The following CSMD3 variants were observed in gnomAD, a reference collection of about 807,000 sequenced individuals.
The protein encoded by CSMD3 is CUB and Sushi multiple domains 3.
In CSMD3, 177 loss-of-function variants were observed where a neutral mutation model predicts 435.2. That is an observed-to-expected ratio of 0.41 (90% CI 0.36 to 0.46). The LOEUF (loss-of-function observed/expected upper bound fraction) is 0.46. Ranked by LOEUF, CSMD3 falls within the 20% of genes least tolerant of loss-of-function variation. The pLI, the probability that CSMD3 is intolerant of heterozygous loss-of-function variation, is 0.34. For missense variants in CSMD3, 4,265 were observed against 4,504.6 expected, an observed-to-expected ratio of 0.95 and a Z score of 1.52; for synonymous variants, 1,656 against 1,520.5, an observed-to-expected ratio of 1.09 and a Z score of -2.07.
At chr8:112,236,631 A>T (rs1389488799) in intron 67 of CSMD3, among the ~76,000 whole-genome samples, 23 of 152,138 alleles carry the variant, frequency 1.5e-4, no homozygotes, top group Admixed American at 1.5e-3. Context: ...GACTTGTGAG[A>T]GAATATCTGA....
At chr8:112,689,142 G>T (rs77353628) in intron 14 of CSMD3, among the ~76,000 whole-genome samples, 1 of 151,992 alleles carries the variant, frequency 6.6e-6, no homozygotes, top group South Asian at 2.1e-4. Context: ...TGAAGGGGAC[G>T]TATGCACTTT....
chr8:112,655,448 T>C (rs2075233635), intron 18 of CSMD3, among the ~76,000 whole-genome samples: 1 of 152,034 alleles, frequency 6.6e-6, no homozygotes, highest in African/African-American at 2.4e-5. Flanking sequence ...ATAAATCTTA[T>C]GCAATATAGC....
chr8:112,326,543 G>A (rs192609119), intron 45 of CSMD3, among the ~76,000 whole-genome samples: 3 of 152,276 alleles, frequency 2.0e-5, no homozygotes, highest in Non-Finnish European at 2.9e-5. Flanking sequence ...CCAGTTAAGA[G>A]GGAGGGTACA....
intron 4 of CSMD3, among the ~76,000 whole-genome samples, chr8:113,136,921 T>C (rs1588137258): frequency 6.6e-6 from 1 of 151,576 alleles, no homozygotes; most frequent in Non-Finnish European, 1.5e-5. Context: ...AGCCTATAAA[T>C]GGAAGAAGAA....
At chr8:113,144,758 G>C (rs1455492347) in intron 4 of CSMD3, among the ~76,000 whole-genome samples, 1 of 151,432 alleles carries the variant, frequency 6.6e-6, no homozygotes, top group Non-Finnish European at 1.5e-5. Context: ...AATATCTAAA[G>C]AGACTATGTG....
Position 112,538,235 on chromosome 8 carries a change from C to T in CSMD3, c.4564+12436G>A, listed in dbSNP as rs986494783. Among the ~76,000 whole-genome samples, 13 of 152,026 alleles carry T rather than the reference C, an allele frequency of 8.6e-5. No individual in the cohort carries two copies. The East Asian group carries it at 2.1e-3, about 25-fold the overall frequency. On this transcript the variant is annotated intron_variant, in intron 27 of 70. Transcript: ENST00000297405. ...CCATATACAACAAACCCACAGCTAA[C>T]ATCATCCTAAACAGGGAAATGTCGA...
intron 32 of CSMD3, among the ~76,000 whole-genome samples, chr8:112,420,940 G>A (rs915515028): frequency 3.9e-5 from 6 of 151,984 alleles, no homozygotes; most frequent in African/African-American, 7.2e-5. Context: ...TGCCTCCTAC[G>A]CACACTCTGC....
At chr8:112,686,653 T>C (rs2076019080) in intron 14 of CSMD3, among the ~76,000 whole-genome samples, 1 of 151,836 alleles carries the variant, frequency 6.6e-6, no homozygotes, top group African/African-American at 2.4e-5. Context: ...GCCCAGCTAA[T>C]TTTTGTATTT....
At chr8:113,077,122 A>G (rs1763030360) in intron 5 of CSMD3, among the ~76,000 whole-genome samples, 2 of 152,140 alleles carry the variant, frequency 1.3e-5, no homozygotes, top group Admixed American at 1.3e-4. Flanking sequence ...ATACACATAC[A>G]CACGAGTGCA....
At chr8:112,919,883 C>T (rs528185189) in intron 10 of CSMD3, among the ~76,000 whole-genome samples, 11 of 151,798 alleles carry the variant, frequency 7.2e-5, no homozygotes, top group African/African-American at 2.7e-4. Flanking sequence ...AAAAAGTGTG[C>T]CTTTCTCGTA....
chr8:113,204,017 T>G (rs1261924293), intron 3 of CSMD3, among the ~76,000 whole-genome samples: 2 of 152,122 alleles, frequency 1.3e-5, no homozygotes, highest in Non-Finnish European at 2.9e-5. Context: ...CCCCCTATAC[T>G]CACACTTATT....
chr8:112,963,351 A>T lies in CSMD3; in HGVS notation c.1343-8590T>A, dbSNP rs182531257. Among the ~76,000 whole-genome samples the T allele has an allele frequency of 8.0e-4, 121 of 152,066 alleles. 1 individual carries two copies. Among genetic ancestry groups the T allele is most frequent in the African/African-American group, 2.7e-3 (113 of 41,538 alleles). On this transcript the variant is annotated intron_variant, in intron 7 of 70. Coordinates refer to ENST00000297405, the MANE Select transcript of CSMD3 (RefSeq NM_198123.2). ...TTTGTAAGTAAAACTTCCTCAAATT[A>T]GGCAACATTCTATTGTTTTGAAATG...
intron 32 of CSMD3, among the ~76,000 whole-genome samples, chr8:112,433,835 C>T (rs1563940608): frequency 6.6e-6 from 1 of 150,384 alleles, no homozygotes; most frequent in South Asian, 2.1e-4. Context: ...CATAGAAAGC[C>T]ATCTATTTTA....
intron 2 of CSMD3, among the ~76,000 whole-genome samples, chr8:113,294,155 T>C (rs1018387372): frequency 5.3e-5 from 8 of 152,094 alleles, no homozygotes; most frequent in Non-Finnish European, 8.8e-5. Flanking sequence ...AATTTAATTT[T>C]AGCTAATTAG....
chr8:113,232,527 T>C (rs936900206), intron 3 of CSMD3, among the ~76,000 whole-genome samples: 2 of 151,758 alleles, frequency 1.3e-5, no homozygotes, highest in Non-Finnish European at 3.0e-5. Context: ...ACAATGCTGC[T>C]GGTACTATGG....
chr8:112,933,580 T>C (rs776388697), intron 9 of CSMD3, among the ~76,000 whole-genome samples: 17 of 152,148 alleles, frequency 1.1e-4, no homozygotes, highest in Admixed American at 3.9e-4. Flanking sequence ...CTCTGAATCA[T>C]AGATCAGAGA....
intron 3 of CSMD3, among the ~76,000 whole-genome samples, chr8:113,251,058 T>G (rs375624354): frequency 1.1e-4 from 16 of 152,282 alleles, no homozygotes; most frequent in African/African-American, 3.8e-4. Flanking sequence ...AGCTTTTACA[T>G]ACTTTATTCT....
intron 59 of CSMD3, among the ~76,000 whole-genome samples, chr8:112,266,860 C>G (rs980086373): frequency 6.6e-6 from 1 of 152,136 alleles, no homozygotes; most frequent in Admixed American, 6.6e-5. Context: ...AAACTTTCTA[C>G]CAGCTAAGAA....
chr8:112,501,374 A>T (rs1821937521), intron 30 of CSMD3, among the ~76,000 whole-genome samples: 1 of 151,336 alleles, frequency 6.6e-6, no homozygotes, highest in Admixed American at 6.6e-5. Context: ...CCTGAGTGAC[A>T]GAGCAAGATT....
Sources: gnomAD v4.1 joint callset for allele counts (sites outside exome capture counted in the v4.1 genomes callset) on GRCh38, gnomAD v4.1.1 for gene constraint, MANE v1.5 for transcripts, NCBI Gene and HGNC (gene_info 2026-07-23, HGNC 2026-07-21) for gene names.